Variants in USH2A observed in about 807,000 individuals in gnomAD.
The protein encoded by USH2A is usherin.
A neutral mutation model predicts 538.9 loss-of-function variants in USH2A; 443 were observed. The ratio of observed to expected loss-of-function variants is 0.82; its 90% CI spans 0.76 to 0.89. The LOEUF is 0.89. USH2A is among the 40% of genes least tolerant of loss of function. The pLI is 0.00. For missense variants in USH2A, 6,633 were observed against 6,324.8 expected (o/e 1.05, Z -1.65); for synonymous variants, 2,413 against 2,273.5 (o/e 1.06, Z -1.75).
At chr1:215,797,661 G>T (rs1662185324) in intron 50 of USH2A, among the ~76,000 whole-genome samples, 2 of 151,918 alleles carry the variant, frequency 1.3e-5, no homozygotes, top group Admixed American at 6.6e-5. Flanking sequence ...TTACAATATG[G>T]TTTACTATGT....
chr1:216,350,198 T>G lies in USH2A; in HGVS notation c.784+14755A>C, dbSNP rs1047169801. On this transcript the variant is annotated intron_variant, in intron 4 of 71. Coordinates refer to ENST00000307340, the MANE Select transcript of USH2A (RefSeq NM_206933.4). Reference sequence around the variant, plus strand: ...TGAAAAATCCACCTCCAGAATCCAATCATCTCCCACCAGGTATCACCTCCA... The same window carrying G: ...TGAAAAATCCACCTCCAGAATCCAAGCATCTCCCACCAGGTATCACCTCCA... Among the ~76,000 whole-genome samples the G allele has an allele frequency of 6.6e-5, 10 of 152,140 alleles. No individual in the cohort carries two copies. The East Asian group carries it at 1.9e-3, about 29-fold the overall frequency.
At chr1:215,747,535 T>C (rs954643750) in intron 58 of USH2A, among the ~76,000 whole-genome samples, 1 of 152,184 alleles carries the variant, frequency 6.6e-6, no homozygotes, top group African/African-American at 2.4e-5. Flanking sequence ...TGAGACTCAG[T>C]TCATTAATGG....
intron 52 of USH2A, among the ~76,000 whole-genome samples, chr1:215,783,518 A>G (rs1661707045): frequency 6.6e-6 from 1 of 152,132 alleles, no homozygotes; most frequent in Non-Finnish European, 1.5e-5. Context: ...CAAAATACAA[A>G]CCAACCAACT....
chr1:216,275,132 TTCTC>T (rs199611465), intron 11 of USH2A, among the ~76,000 whole-genome samples: 7 of 151,632 alleles, frequency 4.6e-5, no homozygotes, highest in African/African-American at 9.7e-5. Context: ...CATTGCATTA[TTCTC>T]TCTCTCTCTC....
intron 60 of USH2A, among the ~76,000 whole-genome samples, chr1:215,739,094 C>T (rs769621046): frequency 5.9e-5 from 9 of 152,112 alleles, no homozygotes; most frequent in South Asian, 4.1e-4. Context: ...AGCCCCAGTG[C>T]GCCATTTTCA....
chr1:215,629,780 T>C (rs915547345), intron 70 of USH2A, among the ~76,000 whole-genome samples: 3 of 148,380 alleles, frequency 2.0e-5, no homozygotes, highest in African/African-American at 5.0e-5. Flanking sequence ...TTTCTTTTTT[T>C]TTTTTTTTTT....
intron 21 of USH2A, among the ~76,000 whole-genome samples, chr1:216,154,081 C>G (rs1274690773): frequency 6.6e-6 from 1 of 152,122 alleles, no homozygotes; most frequent in African/African-American, 2.4e-5. Context: ...AAGGCAATAA[C>G]TGGTCAACTG....
intron 11 of USH2A, among the ~76,000 whole-genome samples, chr1:216,284,258 T>C (rs2036840154): frequency 6.6e-6 from 1 of 152,134 alleles, no homozygotes; most frequent in South Asian, 2.1e-4. Flanking sequence ...GTAGTTCCCA[T>C]AATCCCCATG....
intron 44 of USH2A, among the ~76,000 whole-genome samples, chr1:215,860,893 G>A (rs1397350284): frequency 6.6e-6 from 1 of 152,192 alleles, no homozygotes; most frequent in Non-Finnish European, 1.5e-5. Flanking sequence ...TTTTATGATG[G>A]AAGTCTTGAT....
At chr1:216,049,470 T>C (rs543543498) in intron 30 of USH2A, among the ~76,000 whole-genome samples, 2 of 152,302 alleles carry the variant, frequency 1.3e-5, no homozygotes, top group South Asian at 2.1e-4. Context: ...ATCCAAAATA[T>C]AACTTGTGCT....
intron 4 of USH2A, among the ~76,000 whole-genome samples, chr1:216,341,419 C>T (rs569612165): frequency 4.6e-5 from 7 of 152,184 alleles, no homozygotes; most frequent in East Asian, 1.9e-4. Context: ...GGCCACACCA[C>T]GCAAAGTAAT....
chr1:216,230,207 C>G (rs2035649097), intron 14 of USH2A, among the ~76,000 whole-genome samples: 1 of 152,146 alleles, frequency 6.6e-6, no homozygotes, highest in South Asian at 2.1e-4. Flanking sequence ...GTGAAACAAA[C>G]CAGCCCAAGA....
intron 21 of USH2A, among the ~76,000 whole-genome samples, chr1:216,153,030 G>GCCGCC (rs1468188701): frequency 6.6e-6 from 1 of 152,058 alleles, no homozygotes; most frequent in Non-Finnish European, 1.5e-5. Flanking sequence ...GAGGAGATTG[G>GCCGCC]CCGCCGGATG....
chr1:215,982,735 GTCAGAACA>G (rs1667778705), intron 35 of USH2A, among the ~76,000 whole-genome samples: 1 of 152,164 alleles, frequency 6.6e-6, no homozygotes, highest in Non-Finnish European at 1.5e-5. Flanking sequence ...TACAGAAGTT[GTCAGAACA>G]GTCATGGTTA....
At chr1:216,083,891 G>C (rs1174057004) in intron 25 of USH2A, among the ~76,000 whole-genome samples, 1 of 152,070 alleles carries the variant, frequency 6.6e-6, no homozygotes, top group Non-Finnish European at 1.5e-5. Context: ...TAAGTAGTTT[G>C]CATTGACTAA....
chr1:215,824,784 C>T (rs1229200419), intron 47 of USH2A, among the ~76,000 whole-genome samples: 1 of 152,102 alleles, frequency 6.6e-6, no homozygotes, highest in Non-Finnish European at 1.5e-5. Flanking sequence ...CCACTTCAAT[C>T]GCACTTTTCC....
At chr1:216,140,851 G>A (rs2033588254) in intron 21 of USH2A, among the ~76,000 whole-genome samples, 1 of 152,182 alleles carries the variant, frequency 6.6e-6, no homozygotes, top group Non-Finnish European at 1.5e-5. Context: ...GCCCTGGGTG[G>A]ACCCAAAGGC....
chr1:216,320,770 T>A (rs1413356777), intron 9 of USH2A, among the ~76,000 whole-genome samples: 2 of 152,186 alleles, frequency 1.3e-5, no homozygotes, highest in Non-Finnish European at 2.9e-5. Context: ...TTTATCAGAC[T>A]GTTATATTTT....
At chr1:215,825,703 T>G (rs1435959352) in intron 47 of USH2A, among the ~76,000 whole-genome samples, 1 of 152,188 alleles carries the variant, frequency 6.6e-6, no homozygotes, top group African/African-American at 2.4e-5. Flanking sequence ...TATGTAACAC[T>G]CAAGTTCTTC....
Sources: gnomAD v4.1 joint callset for allele counts (sites outside exome capture counted in the v4.1 genomes callset) on GRCh38, gnomAD v4.1.1 for gene constraint, MANE v1.5 for transcripts, NCBI Gene and HGNC (gene_info 2026-07-23, HGNC 2026-07-21) for gene names.